Variants in PIEZO2 observed in about 807,000 individuals in gnomAD.
PIEZO2 encodes the protein piezo-type mechanosensitive ion channel component 2.
A neutral mutation model predicts 337.3 loss-of-function variants in PIEZO2; 172 were observed. That is an observed-to-expected ratio of 0.51 (90% CI 0.45 to 0.58). The LOEUF (loss-of-function observed/expected upper bound fraction) is 0.58, where lower values mean the gene tolerates loss of function less well. PIEZO2 is among the 20% of genes least tolerant of loss of function. The pLI is 0.00. For missense variants in PIEZO2, 3,028 were observed against 3,391.3 expected (o/e 0.89, Z 2.66); for synonymous variants, 1,251 against 1,228.5 (o/e 1.02, Z -0.38).
chr18:10,775,704 A>G lies in PIEZO2; in HGVS notation c.2535-1666T>C, dbSNP rs936787765. Among the ~76,000 whole-genome samples, 1 of 152,200 alleles carries G rather than the reference A, an allele frequency of 6.6e-6. No homozygotes were observed. The highest frequency in any genetic ancestry group is 1.5e-5 in the Non-Finnish European group (1 of 68,038). The stretch of plus-strand genomic sequence containing the variant: ...GCATTGAGGAGAGATCGTTCAATGA[A>G]AGAATCAGAGGAAGACACTGGAGTA... On this transcript the variant is annotated intron_variant, in intron 18 of 55. Transcript: ENST00000674853. This position sits in a 1 kb window ranked among gnomAD's most constrained non-coding sequence, Gnocchi z 4.3.
intron 1 of PIEZO2, among the ~76,000 whole-genome samples, chr18:11,142,342 G>A (rs1205552074): frequency 6.6e-6 from 1 of 152,196 alleles, no homozygotes; most frequent in Non-Finnish European, 1.5e-5. Flanking sequence ...GAAATTATTA[G>A]ACACTGTGTC....
rs979818703 is a variant in PIEZO2, at chr18:11,003,715, C to G, written c.161-24055G>C. 2.6e-5 allele frequency among the ~76,000 whole-genome samples: 4 copies of G among 152,086 alleles called. No individual in the cohort carries two copies. The highest frequency in any genetic ancestry group is 9.7e-5 in the African/African-American group (4 of 41,418). Reference sequence around the variant, plus strand: ...CACAGACTGGGACCATGTGGACACACCAATTTACCTAACATGTCCAGCTCT... The same window carrying G: ...CACAGACTGGGACCATGTGGACACAGCAATTTACCTAACATGTCCAGCTCT... On this transcript the variant is annotated intron_variant, in intron 2 of 55. Coordinates refer to ENST00000674853, the MANE Select transcript of PIEZO2 (RefSeq NM_001378183.1). This position sits in a 1 kb window ranked among gnomAD's most constrained non-coding sequence, Gnocchi z 4.6.
intron 2 of PIEZO2, among the ~76,000 whole-genome samples, chr18:10,981,838 G>T (rs1286544318): frequency 2.0e-5 from 3 of 152,150 alleles, no homozygotes; most frequent in African/African-American, 7.2e-5. Flanking sequence ...TGTGCTGGAT[G>T]CTTCCTGCCC....
rs536434436 is a variant in PIEZO2, at chr18:10,848,447, AAAC to A, written c.917+6903_917+6905del. ...CAGAAACGTGAGCTTTTCCTTCACT[AAAC>A]AATTCATTTTCTAATTATCATGATT... On this transcript the variant is annotated intron_variant, in intron 7 of 55. Transcript: ENST00000674853. Among the ~76,000 whole-genome samples the A allele has an allele frequency of 3.1e-3, 468 of 152,356 alleles. 4 individuals carry two copies. Among genetic ancestry groups the A allele is most frequent in the Non-Finnish European group, 5.6e-3 (380 of 68,034 alleles).
chr18:11,063,783 T>C (rs978961556), intron 2 of PIEZO2, among the ~76,000 whole-genome samples: 1 of 152,234 alleles, frequency 6.6e-6, no homozygotes, highest in African/African-American at 2.4e-5. Flanking sequence ...TTTGCCAATG[T>C]ACTTTCATAT....
intron 36 of PIEZO2, among the ~76,000 whole-genome samples, chr18:10,723,708 G>C (rs980688959): frequency 9.2e-5 from 14 of 152,170 alleles, no homozygotes; most frequent in African/African-American, 3.4e-4. Context: ...GGATTGGACT[G>C]AGTCCTGGAA....
In PIEZO2 at chr18:11,001,214, G is replaced by A. The variant is rs922496826; in HGVS notation, c.161-21554C>T. On this transcript the variant is annotated intron_variant, in intron 2 of 55. Coordinates refer to ENST00000674853, the MANE Select transcript of PIEZO2 (RefSeq NM_001378183.1). This position sits in a 1 kb window ranked among gnomAD's most constrained non-coding sequence, Gnocchi z 5.3. ...TAAGCCTCCTGAAGGCAGGGCTGCC[G>A]CTAGCATATGGTCTCCAGCTCAGAA... Among the ~76,000 whole-genome samples, 22 of 152,102 alleles carry A rather than the reference G, an allele frequency of 1.4e-4. No individual in the cohort carries two copies. The highest frequency in any genetic ancestry group is 4.8e-4 in the African/African-American group (20 of 41,428).
intron 3 of PIEZO2, among the ~76,000 whole-genome samples, chr18:10,924,551 G>A (rs893850264): frequency 4.0e-4 from 61 of 152,164 alleles, no homozygotes; most frequent in Non-Finnish European, 8.8e-5. Flanking sequence ...GGCCCCACAC[G>A]TGTGCTAAGG....
intron 4 of PIEZO2, among the ~76,000 whole-genome samples, chr18:10,880,846 CATATATATAT>C (rs56271617): frequency 0.013 from 897 of 67,792 alleles, 6 homozygotes; most frequent in Non-Finnish European, 0.016. Flanking sequence ...TCCCACATAT[CATATATATAT>C]ATATATATAT....
chr18:11,075,425 T>C (rs563610216), intron 1 of PIEZO2, among the ~76,000 whole-genome samples: 2 of 152,380 alleles, frequency 1.3e-5, no homozygotes, highest in East Asian at 3.9e-4. Flanking sequence ...ATTCATTGTC[T>C]ATCAGTGTAG....
In PIEZO2 at chr18:10,808,115, G is replaced by A. The variant is rs138636665; in HGVS notation, c.918-841C>T. On this transcript the variant is annotated intron_variant, in intron 7 of 55. Transcript: ENST00000674853. ...ATTTATTTTTTGTTTTTGAAATGGG[G>A]TCTCGCTCTGTCACCCAGGCTGGAG... Among the ~76,000 whole-genome samples the A allele has an allele frequency of 2.8e-3, 430 of 152,162 alleles. 1 individual carries two copies. Among genetic ancestry groups the A allele is most frequent in the Non-Finnish European group, 2.4e-3 (160 of 68,012 alleles).
chr18:10,976,343 G>C (rs985031320), intron 3 of PIEZO2, among the ~76,000 whole-genome samples: 2 of 152,102 alleles, frequency 1.3e-5, no homozygotes, highest in Non-Finnish European at 2.9e-5. Context: ...GCGATTACAG[G>C]CATCACTAGT....
Position 11,104,266 on chromosome 18 carries a change from T to C in PIEZO2, c.65-38044A>G, listed in dbSNP as rs925959935. Among the ~76,000 whole-genome samples, 1 of 152,114 alleles carries C rather than the reference T, an allele frequency of 6.6e-6. No homozygotes were observed. Among genetic ancestry groups the C allele is most frequent in the Admixed American group, 6.5e-5 (1 of 15,280 alleles). Reference sequence around the variant, plus strand: ...TCACATACTCTGAGAATGTAAAAGGTGGCAGTGTGGGGAGAATATCGTGAG... The same window carrying C: ...TCACATACTCTGAGAATGTAAAAGGCGGCAGTGTGGGGAGAATATCGTGAG... On this transcript the variant is annotated intron_variant, in intron 1 of 55. Coordinates refer to ENST00000674853, the MANE Select transcript of PIEZO2 (RefSeq NM_001378183.1). The surrounding 1 kb of genome is among the most constrained non-coding windows in gnomAD (Gnocchi z 4.6).
In PIEZO2 at chr18:11,001,742, GT is replaced by G. The variant is rs2035541683; in HGVS notation, c.161-22083del. 1.3e-5 allele frequency among the ~76,000 whole-genome samples: 2 copies of G among 152,106 alleles called. No individual in the cohort carries two copies. The highest frequency in any genetic ancestry group is 4.8e-5 in the African/African-American group (2 of 41,400). Reference sequence around the variant, plus strand: ...AAAATACAAAAATGGGCCATGCACAGTGGCTCACACCTGTAACCCCAGCCAC... The same window carrying G: ...AAAATACAAAAATGGGCCATGCACAGGGCTCACACCTGTAACCCCAGCCAC... On this transcript the variant is annotated intron_variant, in intron 2 of 55. Transcript: ENST00000674853. This position sits in a 1 kb window ranked among gnomAD's most constrained non-coding sequence, Gnocchi z 5.3.
At position 10,696,875 on chromosome 18, in the gene PIEZO2, C is replaced by A. The variant is rs568326847; in HGVS notation, c.6828-336G>T. 1.4e-4 allele frequency among the ~76,000 whole-genome samples: 21 copies of A among 152,282 alleles called. 1 individual carries two copies. In the South Asian group the frequency reaches 1.7e-3, roughly 12 times the overall value. On this transcript the variant is annotated intron_variant, in intron 45 of 55. Transcript: ENST00000674853. ...TCAATTGCTCACCACCGGCGAGAAC[C>A]ATGAGCATGCTATGTAACCTCTGTG...
intron 4 of PIEZO2, among the ~76,000 whole-genome samples, chr18:10,884,179 G>A (rs1343140979): frequency 2.6e-5 from 4 of 152,098 alleles, no homozygotes; most frequent in African/African-American, 7.2e-5. Context: ...GTCTTTCTAC[G>A]CCTGGCTTAT....
chr18:10,730,719 T>C (rs1188777715), intron 36 of PIEZO2, among the ~76,000 whole-genome samples: 1 of 152,154 alleles, frequency 6.6e-6, no homozygotes, highest in Non-Finnish European at 1.5e-5. Context: ...AGTTTCATCT[T>C]TCTTATTGGC....
In PIEZO2 at chr18:10,750,457, T is replaced by C. The variant is rs1483146403; in HGVS notation, c.4168-270A>G. ...GCACCAGTTTATCAAGAAGAAATCT[T>C]GGACGATCATAGAAATAAATCCCAA... On this transcript the variant is annotated intron_variant, in intron 28 of 55. Coordinates refer to ENST00000674853, the MANE Select transcript of PIEZO2 (RefSeq NM_001378183.1). This position sits in a 1 kb window ranked among gnomAD's most constrained non-coding sequence, Gnocchi z 4.1. 6.6e-6 allele frequency among the ~76,000 whole-genome samples: 1 copy of C among 152,234 alleles called. No homozygotes were observed. The highest frequency in any genetic ancestry group is 2.4e-5 in the African/African-American group (1 of 41,470).
Position 11,080,885 on chromosome 18 carries a change from A to C in PIEZO2, c.65-14663T>G, listed in dbSNP as rs1472349713. Among the ~76,000 whole-genome samples, 1 of 152,164 alleles carries C rather than the reference A, an allele frequency of 6.6e-6. No homozygotes were observed. The highest frequency in any genetic ancestry group is 2.4e-5 in the African/African-American group (1 of 41,436). On this transcript the variant is annotated intron_variant, in intron 1 of 55. Coordinates refer to ENST00000674853, the MANE Select transcript of PIEZO2 (RefSeq NM_001378183.1). The surrounding 1 kb of genome is among the most constrained non-coding windows in gnomAD (Gnocchi z 5.4). ...ACATAAATAAATAAATAAAGCAGAG[A>C]TATCAGAGAAAAGTTATCACACCTG...
Sources: gnomAD v4.1 joint callset for allele counts (sites outside exome capture counted in the v4.1 genomes callset) on GRCh38, gnomAD v4.1.1 for gene constraint, Gnocchi (gnomAD v3.1) non-coding constraint, MANE v1.5 for transcripts, NCBI Gene and HGNC (gene_info 2026-07-23, HGNC 2026-07-21) for gene names.